Variants in RBFOX1 observed in about 807,000 individuals in gnomAD.
RBFOX1 encodes the protein RNA binding protein fox-1 homolog 1.
RBFOX1 carries 8 observed loss-of-function variants against 57.7 expected under a neutral mutation model. That is an observed-to-expected ratio of 0.14 (90% CI 0.08 to 0.25). The LOEUF is 0.25. RBFOX1 is among the 10% of genes least tolerant of loss of function. The pLI is 1.00. For missense variants in RBFOX1, 611 were observed against 548.5 expected, an observed-to-expected ratio of 1.11 and a Z score of -1.14; for synonymous variants, 326 against 222.4, an observed-to-expected ratio of 1.47 and a Z score of -4.15.
chr16:5,639,691 C>A (rs748858347), intron 3 of RBFOX1, among the ~76,000 whole-genome samples: 3 of 152,148 alleles, frequency 2.0e-5, no homozygotes, highest in African/African-American at 7.2e-5. Context: ...CACATGCCTA[C>A]CAGGCTGTAG....
intron 3 of RBFOX1, among the ~76,000 whole-genome samples, chr16:5,734,365 C>T (rs1206878264): frequency 6.6e-6 from 1 of 152,122 alleles, no homozygotes; most frequent in Non-Finnish European, 1.5e-5. Flanking sequence ...GGGTTCAAGG[C>T]TGCAGTTAGC....
chr16:5,598,850 T>G (rs1485726608), intron 2 of RBFOX1: 101 of 1,376,156 alleles, frequency 7.3e-5, no homozygotes, highest in Non-Finnish European at 8.9e-5. Flanking sequence ...AGAATTTTTT[T>G]CCTCAACCCG....
At chr16:5,743,354 C>A (rs2052850066) in intron 3 of RBFOX1, among the ~76,000 whole-genome samples, 1 of 152,160 alleles carries the variant, frequency 6.6e-6, no homozygotes. Context: ...GAAGTGTCAG[C>A]TAGAATCAGA....
chr16:6,519,139 A>G (rs949244982), intron 2 of RBFOX1, among the ~76,000 whole-genome samples: 1 of 152,114 alleles, frequency 6.6e-6, no homozygotes, highest in African/African-American at 2.4e-5. Context: ...AAGCCAGCCA[A>G]ATGTCTCTGC....
intron 12 of RBFOX1, chr16:7,664,690 G>A: frequency 9.9e-6 from 6 of 607,392 alleles, no homozygotes; most frequent in Non-Finnish European, 1.1e-5. Flanking sequence ...GGAAGTTTGG[G>A]ACCTAGCACA....
intron 3 of RBFOX1, among the ~76,000 whole-genome samples, chr16:6,949,086 C>T (rs897681692): frequency 9.9e-5 from 15 of 152,158 alleles, no homozygotes; most frequent in African/African-American, 1.7e-4. Flanking sequence ...GTCAAGGTTT[C>T]TTTATCCTCT....
intron 2 of RBFOX1, among the ~76,000 whole-genome samples, chr16:6,427,275 C>T (rs192356455): frequency 2.6e-5 from 4 of 152,300 alleles, no homozygotes; most frequent in African/African-American, 9.6e-5. Flanking sequence ...GTGATAAAAG[C>T]CGTCCAGAGT....
chr16:5,853,420 T>A (rs539718038), intron 3 of RBFOX1, among the ~76,000 whole-genome samples: 59 of 152,280 alleles, frequency 3.9e-4, no homozygotes, highest in Admixed American at 1.3e-3. Flanking sequence ...CCTGCCCCCA[T>A]GTTCCCTGGG....
chr16:5,908,943 G>T (rs995659902), intron 4 of RBFOX1, among the ~76,000 whole-genome samples: 2 of 152,008 alleles, frequency 1.3e-5, no homozygotes, highest in African/African-American at 4.8e-5. Flanking sequence ...GTCAACAGGG[G>T]AAGTGAGCCC....
At chr16:5,601,730 A>G (rs2151210440), downstream of RBFOX1, 1 of 152,372 alleles carries the variant, frequency 6.6e-6, no homozygotes, top group Middle Eastern at 3.4e-3. Context: ...TGGAGCAGGA[A>G]AGTGACTTAC....
intron 4 of RBFOX1, among the ~76,000 whole-genome samples, chr16:7,479,718 G>C (rs990905217): frequency 1.2e-4 from 18 of 152,280 alleles, no homozygotes; most frequent in African/African-American, 3.8e-4. Flanking sequence ...CACCTGGAGG[G>C]GGGGCAGGTG....
intron 3 of RBFOX1, among the ~76,000 whole-genome samples, chr16:6,724,523 C>T (rs554637909): frequency 5.9e-5 from 9 of 152,160 alleles, no homozygotes; most frequent in East Asian, 1.9e-4. Flanking sequence ...CTTCTGTGGA[C>T]GAGGAAGCAG....
chr16:6,657,955 C>G (rs2098672104), intron 3 of RBFOX1, among the ~76,000 whole-genome samples: 1 of 152,064 alleles, frequency 6.6e-6, no homozygotes, highest in Non-Finnish European at 1.5e-5. Flanking sequence ...CCCTGGCTTT[C>G]TGTCTACTTC....
intron 4 of RBFOX1, among the ~76,000 whole-genome samples, chr16:7,396,779 A>C (rs990752720): frequency 1.3e-5 from 2 of 152,134 alleles, no homozygotes; most frequent in South Asian, 4.1e-4. Context: ...ATCTCTACTA[A>C]AAATACAATC....
At chr16:5,852,905 C>A (rs1373489187) in intron 3 of RBFOX1, among the ~76,000 whole-genome samples, 1 of 152,172 alleles carries the variant, frequency 6.6e-6, no homozygotes, top group African/African-American at 2.4e-5. Flanking sequence ...ACCCATCCTG[C>A]AAGACATTGC....
chr16:7,367,206 C>G (rs2147072662), intron 4 of RBFOX1, among the ~76,000 whole-genome samples: 1 of 152,242 alleles, frequency 6.6e-6, no homozygotes. Flanking sequence ...GCCCCCACCC[C>G]CATCTTACTG....
intron 4 of RBFOX1, among the ~76,000 whole-genome samples, chr16:5,994,312 C>G (rs540602889): frequency 6.6e-6 from 1 of 152,200 alleles, no homozygotes; most frequent in Admixed American, 6.5e-5. Context: ...TAGGCATGTG[C>G]CAACATGCCT....
intron 3 of RBFOX1, among the ~76,000 whole-genome samples, chr16:5,710,531 C>G (rs1308298978): frequency 6.6e-6 from 1 of 152,158 alleles, no homozygotes; most frequent in East Asian, 1.9e-4. Context: ...GCAGGCCTGG[C>G]ACATGGGTTC....
At position 7,712,490 on chromosome 16, in the gene RBFOX1, A is replaced by G. The variant is rs2084144680; in HGVS notation, c.*1745A>G. On this transcript the variant is annotated 3_prime_UTR_variant, in exon 16 of 16. Coordinates refer to ENST00000550418, the MANE Select transcript of RBFOX1 (RefSeq NM_018723.4). ...ATTAAACCATCAATAAAGTTTCACA[A>G]GATTTGAAAACAAAGTTTCTGTAGC... 6.6e-6 allele frequency: 1 copy of G among 152,654 alleles called. No individual in the cohort carries two copies. Among genetic ancestry groups the G allele is most frequent in the South Asian group, 2.1e-4 (1 of 4,834 alleles). 9.5% of individuals were successfully genotyped at this position (152,654 alleles called of 1,614,324 possible). A position where few individuals can be genotyped will look rare whatever the true frequency, so the allele number is the denominator to read the frequency against.
Sources: gnomAD v4.1 joint callset for allele counts (sites outside exome capture counted in the v4.1 genomes callset) on GRCh38, gnomAD v4.1.1 for gene constraint, MANE v1.5 for transcripts, NCBI Gene and HGNC (gene_info 2026-07-23, HGNC 2026-07-21) for gene names.